The following VWC2L variants were observed in gnomAD, a reference collection of about 807,000 sequenced individuals.
The protein encoded by VWC2L is von Willebrand factor C domain-containing protein 2-like.
In VWC2L, 10 loss-of-function variants were observed where a neutral mutation model predicts 21.6. The observed-to-expected ratio is 0.46, with a 90% confidence interval of 0.29 to 0.78. VWC2L has a LOEUF of 0.78. VWC2L is among the 30% of genes least tolerant of loss of function. VWC2L has a pLI of 0.10. For synonymous variants in VWC2L, 96 were observed against 94.3 expected (o/e 1.02, Z -0.10); for missense variants, 209 against 277.1 (o/e 0.75, Z 1.74).
chr2:214,565,622 G>T (rs538262239), intron 3 of VWC2L, among the ~76,000 whole-genome samples: 1 of 152,108 alleles, frequency 6.6e-6, no homozygotes. Flanking sequence ...TTTCTTCATT[G>T]ATGTCTTGAC....
intron 2 of VWC2L, among the ~76,000 whole-genome samples, chr2:214,423,496 C>T (rs900718857): frequency 6.6e-6 from 1 of 152,106 alleles, no homozygotes; most frequent in East Asian, 1.9e-4. Flanking sequence ...AAAATACCAG[C>T]TCATTTGCAT....
intron 3 of VWC2L, among the ~76,000 whole-genome samples, chr2:214,525,819 C>A (rs116128731): frequency 0.019 from 2,816 of 152,188 alleles, 31 homozygotes; most frequent in Non-Finnish European, 0.03. Context: ...TTTAGTTAAA[C>A]CTTTGGCCCT....
intron 3 of VWC2L, among the ~76,000 whole-genome samples, chr2:214,539,648 T>A (rs1186257994): frequency 9.9e-5 from 15 of 152,180 alleles, no homozygotes. Context: ...TATTCTGTTT[T>A]CTGTTGATGT....
Position 214,522,414 on chromosome 2 carries a change from T to G in VWC2L, c.521-53258T>G, listed in dbSNP as rs1689258617. 2.0e-5 allele frequency among the ~76,000 whole-genome samples: 3 copies of G among 151,868 alleles called. No individual in the cohort carries two copies. The South Asian group carries it at 6.2e-4, about 32-fold the overall frequency. On this transcript the variant is annotated intron_variant, in intron 3 of 3. Transcript: ENST00000312504. ...AAAAAAAATTGCATTTTTTTCCTCT[T>G]TGCTGATTCCTCCTCCACTTCTATT...
intron 3 of VWC2L, among the ~76,000 whole-genome samples, chr2:214,512,767 A>G (rs994012096): frequency 2.6e-5 from 4 of 152,166 alleles, no homozygotes; most frequent in African/African-American, 9.7e-5. Context: ...GACTACAGGA[A>G]GAATGCATAA....
chr2:214,495,754 C>G lies in VWC2L; in HGVS notation c.520+58996C>G, dbSNP rs541542822. Among the ~76,000 whole-genome samples, 35 of 152,224 alleles carry G rather than the reference C, an allele frequency of 2.3e-4. No homozygotes were observed. The South Asian group carries it at 6.6e-3, about 29-fold the overall frequency. On this transcript the variant is annotated intron_variant, in intron 3 of 3. Coordinates refer to ENST00000312504, the MANE Select transcript of VWC2L (RefSeq NM_001080500.4). ...CCATTTTTTCTAAAGAAATCCAAGG[C>G]ACTAAAACTTTCACTCTCAAGCTGT...
intron 3 of VWC2L, among the ~76,000 whole-genome samples, chr2:214,502,561 C>T (rs543378728): frequency 6.9e-6 from 1 of 145,860 alleles, no homozygotes; most frequent in Non-Finnish European, 1.5e-5. Flanking sequence ...CAGAGCGAGA[C>T]TCCACGTCAA....
At chr2:214,470,437 A>G (rs1247906778) in intron 3 of VWC2L, among the ~76,000 whole-genome samples, 2 of 152,172 alleles carry the variant, frequency 1.3e-5, no homozygotes, top group African/African-American at 4.8e-5. Flanking sequence ...CAAGTATTTT[A>G]TAGGATTTAA....
chr2:214,575,156 T>C (rs1690209848), intron 3 of VWC2L, among the ~76,000 whole-genome samples: 1 of 152,142 alleles, frequency 6.6e-6, no homozygotes, highest in South Asian at 2.1e-4. Flanking sequence ...GAATTATTCA[T>C]TGTTATCAAG....
At chr2:214,569,489 T>G (rs573326864) in intron 3 of VWC2L, among the ~76,000 whole-genome samples, 1 of 152,208 alleles carries the variant, frequency 6.6e-6, no homozygotes, top group African/African-American at 2.4e-5. Flanking sequence ...CTGATTTGGG[T>G]GACATAAAAA....
At chr2:214,486,299 A>G (rs1688671600) in intron 3 of VWC2L, among the ~76,000 whole-genome samples, 2 of 152,222 alleles carry the variant, frequency 1.3e-5, no homozygotes, top group African/African-American at 4.8e-5. Context: ...GCTTGCAGCC[A>G]TGGAGTCCCG....
intron 3 of VWC2L, among the ~76,000 whole-genome samples, chr2:214,555,916 G>C (rs1387757025): frequency 1.3e-5 from 2 of 151,968 alleles, no homozygotes; most frequent in East Asian, 3.9e-4. Flanking sequence ...GTTGTCTAAA[G>C]CCCATTTATG....
intron 3 of VWC2L, among the ~76,000 whole-genome samples, chr2:214,508,754 C>T (rs1156599677): frequency 6.6e-6 from 1 of 151,956 alleles, no homozygotes. Flanking sequence ...ATGTAATAGC[C>T]TATTCTTTTT....
intron 2 of VWC2L, among the ~76,000 whole-genome samples, chr2:214,427,230 C>G (rs1702538245): frequency 6.6e-6 from 1 of 152,100 alleles, no homozygotes; most frequent in African/African-American, 2.4e-5. Context: ...CAAAATTGTT[C>G]AGTGTAACTT....
At chr2:214,426,832 A>G (rs1043928811) in intron 2 of VWC2L, among the ~76,000 whole-genome samples, 2 of 152,240 alleles carry the variant, frequency 1.3e-5, no homozygotes, top group African/African-American at 4.8e-5. Context: ...GTGTTCAATT[A>G]TAAGTCTATT....
In VWC2L at chr2:214,564,934, C is replaced by A. The variant is rs148452677; in HGVS notation, c.521-10738C>A. Among the ~76,000 whole-genome samples, 637 of 152,240 alleles carry A rather than the reference C, an allele frequency of 4.2e-3. 2 individuals are homozygous for A. The highest frequency in any genetic ancestry group is 0.015 in the African/African-American group (613 of 41,540). On this transcript the variant is annotated intron_variant, in intron 3 of 3. Transcript: ENST00000312504. ...GTTACCAACATTGGTATTCATGCTTCTTTAGCTTCTTTGTTTTCCTTCCAT... is the reference window on the plus strand; with the variant it reads ...GTTACCAACATTGGTATTCATGCTTATTTAGCTTCTTTGTTTTCCTTCCAT...
At chr2:214,531,936 T>C (rs1300148578) in intron 3 of VWC2L, among the ~76,000 whole-genome samples, 1 of 152,160 alleles carries the variant, frequency 6.6e-6, no homozygotes, top group Admixed American at 6.6e-5. Flanking sequence ...ATCTACAGTG[T>C]TTCAATCTTC....
chr2:214,426,352 C>G lies in VWC2L; in HGVS notation c.391-10277C>G, dbSNP rs1037272899. Among the ~76,000 whole-genome samples, 3 of 151,928 alleles carry G rather than the reference C, an allele frequency of 2.0e-5. No homozygotes were observed. In the South Asian group the frequency reaches 6.2e-4, roughly 32 times the overall value. On this transcript the variant is annotated intron_variant, in intron 2 of 3. Coordinates refer to ENST00000312504, the MANE Select transcript of VWC2L (RefSeq NM_001080500.4). Reference sequence around the variant, plus strand: ...CCGAGTGACAAGATCAAAGGGTATACAGAGTTAGAAATAAGAGTGAGGCGG... The same window carrying G: ...CCGAGTGACAAGATCAAAGGGTATAGAGAGTTAGAAATAAGAGTGAGGCGG...
Position 214,577,339 on chromosome 2 carries a change from T to C in VWC2L, c.*1519T>C. ...GGATTGACATTTGGGGCCAGATCAT[T>C]ATTCGTTGGTGGGGGCTGTCCTGTG... is the stretch of plus-strand genomic sequence containing the variant. On this transcript the variant is annotated 3_prime_UTR_variant, in exon 4 of 4. Transcript: ENST00000312504. 6.6e-6 allele frequency: 1 copy of C among 152,246 alleles called. No homozygotes were observed. The highest frequency in any genetic ancestry group is 1.9e-4 in the East Asian group (1 of 5,182). The allele number at this position is 152,246 out of a possible 1,614,324, so 9.4% of individuals were successfully genotyped here.
Sources: allele counts gnomAD v4.1 joint callset (sites outside exome capture counted in the v4.1 genomes callset), GRCh38; gene constraint gnomAD v4.1.1; transcripts MANE v1.5; gene names NCBI Gene and HGNC (gene_info 2026-07-23, HGNC 2026-07-21).